CCDC60: variants seen among roughly 807,000 people sequenced by gnomAD.
The protein encoded by CCDC60 is coiled-coil domain containing 60, also known as coiled-coil domain-containing protein 60.
In CCDC60, 54 loss-of-function variants were observed where a neutral mutation model predicts 63.5. The ratio of observed to expected loss-of-function variants is 0.85; its 90% CI spans 0.68 to 1.07. The LOEUF is 1.07. Ranked by LOEUF, CCDC60 falls within the 50% of genes least tolerant of loss-of-function variation. The pLI is 0.00. For missense variants in CCDC60, 651 were observed against 684.3 expected (o/e 0.95, Z 0.54); for synonymous variants, 206 against 238.8 (o/e 0.86, Z 1.27).
At position 119,452,976 on chromosome 12, in the gene CCDC60, C is replaced by T. The variant is rs534931327; in HGVS notation, c.171-19018C>T. Among the ~76,000 whole-genome samples the T allele has an allele frequency of 3.3e-5, 5 of 152,268 alleles. No individual in the cohort carries two copies. The East Asian group carries it at 9.7e-4, about 29-fold the overall frequency. ...TAGCTGGGATTACAGGCACGCACCA[C>T]CATGCCCAGCTAATTTTATTTTGTA... is the stretch of plus-strand genomic sequence containing the variant. On this transcript the variant is annotated intron_variant, in intron 2 of 13. Transcript: ENST00000327554.
intron 11 of CCDC60, among the ~76,000 whole-genome samples, chr12:119,526,743 T>C (rs1952687730): frequency 6.6e-6 from 1 of 152,130 alleles, no homozygotes; most frequent in African/African-American, 2.4e-5. Flanking sequence ...ATGACTATTA[T>C]TAAAAAGTCA....
intron 1 of CCDC60, among the ~76,000 whole-genome samples, chr12:119,387,023 C>CTG (rs1956072142): frequency 3.0e-5 from 3 of 99,066 alleles, no homozygotes; most frequent in African/African-American, 4.5e-5. Flanking sequence ...CTCCCTCCCC[C>CTG]TCTGTCTCTC....
At chr12:119,457,052 G>A (rs1950762230) in intron 2 of CCDC60, among the ~76,000 whole-genome samples, 1 of 152,164 alleles carries the variant, frequency 6.6e-6, no homozygotes, top group African/African-American at 2.4e-5. Flanking sequence ...CAATCTTTCT[G>A]TTCTACATTT....
At chr12:119,533,186 T>G (rs567390342) in intron 13 of CCDC60, among the ~76,000 whole-genome samples, 3 of 152,370 alleles carry the variant, frequency 2.0e-5, no homozygotes, top group South Asian at 2.1e-4. Context: ...GAGCCTTTTT[T>G]CATTTGTTTG....
chr12:119,526,205 G>A (rs2136513266), intron 11 of CCDC60, among the ~76,000 whole-genome samples: 1 of 152,290 alleles, frequency 6.6e-6, no homozygotes, highest in Non-Finnish European at 1.5e-5. Flanking sequence ...TAACTGGCTA[G>A]CCATATGCAG....
At chr12:119,402,553 T>C (rs1190924181) in intron 1 of CCDC60, 2 of 152,220 alleles carry the variant, frequency 1.3e-5, no homozygotes, top group Non-Finnish European at 2.9e-5. Flanking sequence ...TGTTTTCTCA[T>C]CTGTAAAATG....
chr12:119,344,847 TCTCTCTCTCACACACA>T (rs1955571970), intron 1 of CCDC60, among the ~76,000 whole-genome samples: 2 of 110,572 alleles, frequency 1.8e-5, no homozygotes, highest in African/African-American at 6.9e-5. Flanking sequence ...TCTCTCTCTC[TCTCTCTCTCACACACA>T]CACACACACA....
At position 119,419,869 on chromosome 12, in the gene CCDC60, CT is replaced by C. The variant is rs1206831493; in HGVS notation, c.91-8791del. Among the ~76,000 whole-genome samples, 591 of 106,480 alleles carry C rather than the reference CT, an allele frequency of 5.6e-3. 2 individuals are homozygous for C. The highest frequency in any genetic ancestry group is 0.031 in the Middle Eastern group (5 of 162). The allele number at this position is 106,480 out of a possible 152,430, so 69.9% of individuals were successfully genotyped here. ...CAACAAGGAGAGATGTTAAATAATTCTTTTTTTTTTTTTTTTTTTTTTTGGA... is the reference window on the plus strand; with the variant it reads ...CAACAAGGAGAGATGTTAAATAATTCTTTTTTTTTTTTTTTTTTTTTTGGA... On this transcript the variant is annotated intron_variant, in intron 1 of 13. Transcript: ENST00000327554.
chr12:119,345,796 TTTTG>T (rs1208871968), intron 1 of CCDC60, among the ~76,000 whole-genome samples: 26 of 147,082 alleles, frequency 1.8e-4, no homozygotes, highest in East Asian at 1.9e-4. Flanking sequence ...TGACTTTTGT[TTTTG>T]TTTGTTTGTT....
chr12:119,419,989 G>A (rs1956782284), intron 1 of CCDC60, among the ~76,000 whole-genome samples: 1 of 147,352 alleles, frequency 6.8e-6, no homozygotes, highest in East Asian at 2.0e-4. Context: ...CCATTCTCCT[G>A]CCTCAGCCTC....
chr12:119,408,664 A>C (rs553236567), intron 1 of CCDC60, among the ~76,000 whole-genome samples: 1 of 152,246 alleles, frequency 6.6e-6, no homozygotes, highest in Non-Finnish European at 1.5e-5. Context: ...TCTACTAAAA[A>C]AAATACAAAA....
intron 1 of CCDC60, among the ~76,000 whole-genome samples, chr12:119,424,458 T>C (rs1245475763): frequency 2.0e-5 from 3 of 152,196 alleles, no homozygotes; most frequent in African/African-American, 7.2e-5. Flanking sequence ...TCACTATTAT[T>C]CACACTGCTG....
At chr12:119,479,496 A>G (rs1951252985) in intron 4 of CCDC60, 1 of 338,070 alleles carries the variant, frequency 3.0e-6, no homozygotes, top group Admixed American at 4.3e-5. Flanking sequence ...GCCCTCATCG[A>G]GTGTGTGCGA....
intron 11 of CCDC60, among the ~76,000 whole-genome samples, chr12:119,525,798 G>T (rs572254515): frequency 1.2e-4 from 18 of 152,296 alleles, no homozygotes; most frequent in Non-Finnish European, 1.6e-4. Flanking sequence ...CCATGCTCAT[G>T]AGTAGGAAGA....
intron 2 of CCDC60, among the ~76,000 whole-genome samples, chr12:119,441,866 T>C (rs2136261808): frequency 6.6e-6 from 1 of 152,294 alleles, no homozygotes; most frequent in Admixed American, 6.5e-5. Context: ...TATACTTTTT[T>C]TTTGCTGAAC....
chr12:119,508,349 C>T (rs1458551660), intron 7 of CCDC60, among the ~76,000 whole-genome samples: 2 of 151,914 alleles, frequency 1.3e-5, no homozygotes, highest in African/African-American at 4.8e-5. Flanking sequence ...GGCATGGTGG[C>T]ATGTGCCTGT....
At chr12:119,487,687 C>T (rs1261245928) in intron 4 of CCDC60, among the ~76,000 whole-genome samples, 1 of 152,144 alleles carries the variant, frequency 6.6e-6, no homozygotes, top group East Asian at 1.9e-4. Context: ...CTCTCTGAGC[C>T]TCAGTTTCCC....
chr12:119,337,824 T>TTGTGTGTGTGTG (rs60009617), intron 1 of CCDC60, among the ~76,000 whole-genome samples: 35 of 140,656 alleles, frequency 2.5e-4, no homozygotes, highest in Non-Finnish European at 4.0e-4. Context: ...GTGTGTGTAT[T>TTGTGTGTGTGTG]TGTGTGTGTG....
At chr12:119,536,995 C>T (rs1199843988) in intron 13 of CCDC60, among the ~76,000 whole-genome samples, 1 of 152,208 alleles carries the variant, frequency 6.6e-6, no homozygotes, top group African/African-American at 2.4e-5. Flanking sequence ...GGATAATATC[C>T]TGCAGAATAT....
Sources: gnomAD v4.1 joint callset for allele counts (sites outside exome capture counted in the v4.1 genomes callset) on GRCh38, gnomAD v4.1.1 for gene constraint, MANE v1.5 for transcripts, NCBI Gene and HGNC (gene_info 2026-07-23, HGNC 2026-07-21) for gene names.